Variants in GALNT13 observed in about 807,000 individuals in gnomAD.
GALNT13 encodes the protein UDP-GalNAc:polypeptide N-acetylgalactosaminyltransferase 13.
A neutral mutation model predicts 64.2 loss-of-function variants in GALNT13; 28 were observed. That is an observed-to-expected ratio of 0.44 (90% CI 0.32 to 0.60). The LOEUF (loss-of-function observed/expected upper bound fraction) is 0.60. GALNT13 is among the 20% of genes least tolerant of loss of function. The pLI is 0.05. For missense variants in GALNT13, 577 were observed against 669.8 expected (o/e 0.86, Z 1.53); for synonymous variants, 214 against 224.6 (o/e 0.95, Z 0.42).
the GALNT13 span, among the ~76,000 whole-genome samples, chr2:153,418,602 A>G: frequency 3.3e-5 from 5 of 152,202 alleles, no homozygotes; most frequent in Non-Finnish European, 1.5e-5. Context: ...TGAGAAATGA[A>G]CATTGTTTTT....
chr2:153,781,405 T>C, the GALNT13 span, among the ~76,000 whole-genome samples: 1 of 152,282 alleles, frequency 6.6e-6, no homozygotes, highest in South Asian at 2.1e-4. Context: ...ACATACTTTT[T>C]GGTGTCACAG....
chr2:153,355,837 G>C, the GALNT13 span, among the ~76,000 whole-genome samples: 3 of 152,150 alleles, frequency 2.0e-5, no homozygotes, highest in East Asian at 1.9e-4. Flanking sequence ...CATAATAAGT[G>C]CTCAGTAAAT....
chr2:153,911,046 T>C (rs568481120), intron 2 of GALNT13, among the ~76,000 whole-genome samples: 7 of 152,294 alleles, frequency 4.6e-5, no homozygotes, highest in African/African-American at 1.7e-4. Context: ...TATTATTGCA[T>C]GGAAGTCGAA....
chr2:153,567,125 G>C, the GALNT13 span, among the ~76,000 whole-genome samples: 1 of 152,158 alleles, frequency 6.6e-6, no homozygotes, highest in South Asian at 2.1e-4. Flanking sequence ...GCAGGATATG[G>C]TAAAGATTGT....
At chr2:154,234,127 T>G (rs548354962) in intron 4 of GALNT13, among the ~76,000 whole-genome samples, 2 of 152,086 alleles carry the variant, frequency 1.3e-5, no homozygotes, top group Admixed American at 6.6e-5. Context: ...TACTGAAATT[T>G]TTTGGGAAAT....
chr2:153,721,559 G>T, the GALNT13 span, among the ~76,000 whole-genome samples: 1 of 149,256 alleles, frequency 6.7e-6, no homozygotes, highest in African/African-American at 2.6e-5. Flanking sequence ...CTGTATTCAG[G>T]AAACCCATCT....
At chr2:153,843,889 A>G in the GALNT13 span, among the ~76,000 whole-genome samples, 1 of 152,228 alleles carries the variant, frequency 6.6e-6, no homozygotes, top group African/African-American at 2.4e-5. Flanking sequence ...CATGTACCAC[A>G]TCCAGAGCAT....
the GALNT13 span, among the ~76,000 whole-genome samples, chr2:153,191,669 T>C: frequency 2.0e-5 from 3 of 151,980 alleles, no homozygotes; most frequent in Non-Finnish European, 2.9e-5. Flanking sequence ...TCGGTAGAAG[T>C]TGGCTGTGAA....
chr2:153,256,340 G>T, the GALNT13 span, among the ~76,000 whole-genome samples: 1 of 152,078 alleles, frequency 6.6e-6, no homozygotes, highest in African/African-American at 2.4e-5. Context: ...GCACTTCTCT[G>T]TATCGGTTAG....
At chr2:153,839,749 A>C in the GALNT13 span, among the ~76,000 whole-genome samples, 2 of 151,986 alleles carry the variant, frequency 1.3e-5, no homozygotes, top group African/African-American at 4.8e-5. Flanking sequence ...TCATTGGTAC[A>C]ATTAGAGACA....
chr2:153,597,188 A>G, the GALNT13 span, among the ~76,000 whole-genome samples: 2,081 of 152,218 alleles, frequency 0.014, 49 homozygotes, highest in African/African-American at 0.048. Context: ...CAAAATGAAA[A>G]TGTGGGCTTT....
chr2:153,137,699 C>T, the GALNT13 span, among the ~76,000 whole-genome samples: 2 of 149,522 alleles, frequency 1.3e-5, no homozygotes, highest in Non-Finnish European at 3.0e-5. Flanking sequence ...ATGTTATGTA[C>T]TGACTAGTAT....
At chr2:153,155,448 T>G in the GALNT13 span, among the ~76,000 whole-genome samples, 1 of 152,176 alleles carries the variant, frequency 6.6e-6, no homozygotes, top group African/African-American at 2.4e-5. Context: ...GGTTCTTCCT[T>G]GGGAGGGTGT....
the GALNT13 span, among the ~76,000 whole-genome samples, chr2:153,105,417 T>C: frequency 6.6e-6 from 1 of 152,042 alleles, no homozygotes; most frequent in Non-Finnish European, 1.5e-5. Context: ...GCCAATATCA[T>C]ACCAAATGGA....
At chr2:153,533,717 G>GTTTTTGTTTTTTTTTTTTTTTT in the GALNT13 span, among the ~76,000 whole-genome samples, 1 of 24,066 alleles carries the variant, frequency 4.2e-5, no homozygotes, top group Admixed American at 4.8e-4. Context: ...ATATCCTGAG[G>GTTTTTGTTTTTTTTTTTTTTTT]TTTTTCTTTT....
chr2:153,991,282 G>A (rs1695141813), intron 3 of GALNT13, among the ~76,000 whole-genome samples: 1 of 152,158 alleles, frequency 6.6e-6, no homozygotes, highest in South Asian at 2.1e-4. Context: ...GTGAGAATGA[G>A]CTGACACCTG....
intron 3 of GALNT13, among the ~76,000 whole-genome samples, chr2:154,011,055 C>T (rs1008636169): frequency 6.6e-6 from 1 of 151,620 alleles, no homozygotes; most frequent in African/African-American, 2.4e-5. Context: ...ACAAACTTTT[C>T]GTTATGTGAC....
the GALNT13 span, among the ~76,000 whole-genome samples, chr2:153,392,648 C>CT: frequency 6.6e-6 from 1 of 151,982 alleles, no homozygotes; most frequent in Admixed American, 6.6e-5. Flanking sequence ...GGAGATCAGT[C>CT]TTTTTTCTCC....
intron 9 of GALNT13, among the ~76,000 whole-genome samples, chr2:154,381,636 G>A (rs961312389): frequency 6.6e-6 from 1 of 152,084 alleles, no homozygotes; most frequent in Admixed American, 6.6e-5. Flanking sequence ...TAACCTGGAA[G>A]TCAGGAAACC....
Sources: gnomAD v4.1 joint callset for allele counts (sites outside exome capture counted in the v4.1 genomes callset) on GRCh38, gnomAD v4.1.1 for gene constraint, MANE v1.5 for transcripts, NCBI Gene and HGNC (gene_info 2026-07-23, HGNC 2026-07-21) for gene names.